CFAP144: variants seen among roughly 807,000 people sequenced by gnomAD.
The protein encoded by CFAP144 is cilia- and flagella-associated protein 144.
At chr1:43,147,665 G>A in the CFAP144 span, among the ~76,000 whole-genome samples, 24 of 152,218 alleles carry the variant, frequency 1.6e-4, no homozygotes, top group Non-Finnish European at 3.1e-4. Flanking sequence ...TTTCCTGGCG[G>A]TATCCAGGGG....
At chr1:43,144,968 G>A in the CFAP144 span, among the ~76,000 whole-genome samples, 2 of 152,308 alleles carry the variant, frequency 1.3e-5, no homozygotes, top group East Asian at 1.9e-4. Flanking sequence ...GTGGACACAC[G>A]GAATGCAAGA....
chr1:43,143,244 A>C, the CFAP144 span, among the ~76,000 whole-genome samples: 8 of 152,334 alleles, frequency 5.3e-5, no homozygotes, highest in East Asian at 5.8e-4. Context: ...GTTTCAGAGA[A>C]TAAGTAGAGT....
chr1:43,147,719 G>T, the CFAP144 span: 2 of 1,356,474 alleles, frequency 1.5e-6, no homozygotes, highest in Non-Finnish European at 1.9e-6. Flanking sequence ...GGGCAAGTGA[G>T]TACAGTGCCA....
chr1:43,152,977 A>C, the CFAP144 span: 1 of 1,576,194 alleles, frequency 6.3e-7, no homozygotes, highest in African/African-American at 1.3e-5. Flanking sequence ...ACACAGCAGC[A>C]ATGTAAGTGG....
At chr1:43,144,034 T>A in the CFAP144 span, among the ~76,000 whole-genome samples, 1 of 152,218 alleles carries the variant, frequency 6.6e-6, no homozygotes, top group African/African-American at 2.4e-5. Context: ...TGAAAAGGGC[T>A]TTGAACAGTG....
At chr1:43,149,877 A>G in the CFAP144 span, among the ~76,000 whole-genome samples, 1 of 152,198 alleles carries the variant, frequency 6.6e-6, no homozygotes, top group East Asian at 1.9e-4. Context: ...GTTTGAGACA[A>G]GCAGCTTGGA....
chr1:43,152,926 C>T, the CFAP144 span: 2 of 1,611,356 alleles, frequency 1.2e-6, no homozygotes, highest in Admixed American at 1.7e-5. Flanking sequence ...GGACTTAGAG[C>T]CCTTGGTAAG....
the CFAP144 span, among the ~76,000 whole-genome samples, chr1:43,142,988 A>C: frequency 5.9e-5 from 9 of 152,100 alleles, no homozygotes; most frequent in African/African-American, 2.2e-4. Context: ...TCTGGAGTGC[A>C]TGTGCAGGTT....
chr1:43,154,213 T>C, the CFAP144 span, among the ~76,000 whole-genome samples: 1 of 125,030 alleles, frequency 8.0e-6, no homozygotes, highest in Non-Finnish European at 1.5e-5. Flanking sequence ...TATATATAAA[T>C]TATTATATAA....
chr1:43,145,940 C>CT, the CFAP144 span, among the ~76,000 whole-genome samples: 5 of 152,126 alleles, frequency 3.3e-5, no homozygotes, highest in Non-Finnish European at 5.9e-5. Context: ...AATGGGGACA[C>CT]TTTTTTTATG....
the CFAP144 span, among the ~76,000 whole-genome samples, chr1:43,147,209 G>A: frequency 6.6e-6 from 1 of 152,198 alleles, no homozygotes; most frequent in African/African-American, 2.4e-5. Flanking sequence ...GAAACAAAAA[G>A]TGAAATGCCA....
chr1:43,155,041 G>C, the CFAP144 span, among the ~76,000 whole-genome samples: 43,169 of 152,096 alleles, frequency 0.28, 10,202 homozygotes, highest in African/African-American at 0.65. Flanking sequence ...GGTTAAATCA[G>C]CTTAGCAGGA....
chr1:43,148,906 G>T, the CFAP144 span, among the ~76,000 whole-genome samples: 7 of 152,102 alleles, frequency 4.6e-5, no homozygotes, highest in Non-Finnish European at 1.0e-4. Context: ...CTGCTTCAGT[G>T]AAAGACACCA....
At chr1:43,150,059 T>C in the CFAP144 span, among the ~76,000 whole-genome samples, 43 of 152,268 alleles carry the variant, frequency 2.8e-4, no homozygotes, top group Admixed American at 1.7e-3. Flanking sequence ...TGCTCATATG[T>C]ATCTCCCTAG....
At chr1:43,151,835 G>C in the CFAP144 span, among the ~76,000 whole-genome samples, 1 of 152,120 alleles carries the variant, frequency 6.6e-6, no homozygotes, top group East Asian at 1.9e-4. Flanking sequence ...CTAATAGAGA[G>C]GGCATCATCA....
At chr1:43,149,229 G>A in the CFAP144 span, among the ~76,000 whole-genome samples, 17,523 of 152,130 alleles carry the variant, frequency 0.12, 1,427 homozygotes, top group East Asian at 0.29. Flanking sequence ...AGGCGCATTG[G>A]ATCTGGCTCT....
At chr1:43,150,755 T>G in the CFAP144 span, 6,137 of 1,603,402 alleles carry the variant, frequency 3.8e-3, 204 homozygotes, top group African/African-American at 0.07. Flanking sequence ...TTTTCTTTTT[T>G]TCTAGTTCAT....
At chr1:43,155,789 C>T in the CFAP144 span, among the ~76,000 whole-genome samples, 1 of 152,244 alleles carries the variant, frequency 6.6e-6, no homozygotes, top group African/African-American at 2.4e-5. Flanking sequence ...TTCAGCCTCT[C>T]ATCTCCTGGT....
chr1:43,143,478 G>C, the CFAP144 span, among the ~76,000 whole-genome samples: 1 of 152,152 alleles, frequency 6.6e-6, no homozygotes, highest in South Asian at 2.1e-4. Context: ...AAATACCAGA[G>C]AGAATAGGTG....
Sources: allele counts gnomAD v4.1 joint callset (sites outside exome capture counted in the v4.1 genomes callset), GRCh38; gene constraint gnomAD v4.1.1; transcripts MANE v1.5; gene names NCBI Gene and HGNC (gene_info 2026-07-23, HGNC 2026-07-21).